Variants in TRPC5 observed in about 807,000 individuals in gnomAD.
The protein encoded by TRPC5 is transient receptor potential cation channel subfamily C member 5.
TRPC5 carries 9 observed loss-of-function variants against 56.5 expected under a neutral mutation model. The observed-to-expected ratio is 0.16, with a 90% CI of 0.10 to 0.28. The LOEUF (loss-of-function observed/expected upper bound fraction) is 0.28. Ranked by LOEUF, TRPC5 falls within the 10% of genes least tolerant of loss-of-function variation. TRPC5 has a pLI of 1.00. For synonymous variants in TRPC5, 282 were observed against 278.5 expected, an observed-to-expected ratio of 1.01 and a Z score of -0.13; for missense variants, 469 against 748.9, an observed-to-expected ratio of 0.63 and a Z score of 4.36.
intron 2 of TRPC5, among the ~76,000 whole-genome samples, chrX:111,944,310 G>A (rs948104656): frequency 3.6e-3 from 360 of 99,198 alleles, no homozygotes; most frequent in African/African-American, 0.012. Flanking sequence ...GTGTGAGAGA[G>A]AGAGAGAGAG....
intron 7 of TRPC5, among the ~76,000 whole-genome samples, chrX:111,795,680 C>G (rs1305727161): frequency 9.0e-6 from 1 of 111,628 alleles, no homozygotes; most frequent in Non-Finnish European, 1.9e-5. Flanking sequence ...GTCAGTTTGA[C>G]TATGATGTAA....
intron 1 of TRPC5, among the ~76,000 whole-genome samples, chrX:112,000,537 C>T (rs1409347768): frequency 9.0e-6 from 1 of 111,552 alleles, no homozygotes; most frequent in Non-Finnish European, 1.9e-5. Flanking sequence ...CCCACTGCTA[C>T]CACATTTGAG....
At chrX:111,858,008 G>C (rs1222650254) in intron 3 of TRPC5, among the ~76,000 whole-genome samples, 1 of 112,478 alleles carries the variant, frequency 8.9e-6, no homozygotes, top group Non-Finnish European at 1.9e-5. Flanking sequence ...CTCAAGCTGG[G>C]CAATTTTAAA....
chrX:111,905,090 G>A (rs1052764611), intron 3 of TRPC5, among the ~76,000 whole-genome samples: 2 of 110,063 alleles, frequency 1.8e-5, no homozygotes, highest in Non-Finnish European at 3.8e-5. Flanking sequence ...TCCATTTAAG[G>A]CTAAGATTTT....
At chrX:111,789,730 C>A (rs1384962112) in intron 7 of TRPC5, among the ~76,000 whole-genome samples, 1 of 111,523 alleles carries the variant, frequency 9.0e-6, no homozygotes, top group African/African-American at 3.2e-5. Flanking sequence ...AAAAAAGCAA[C>A]CCCATCAAAA....
chrX:111,866,341 G>A lies in TRPC5; in HGVS notation c.901-12235C>T, dbSNP rs771924136. Among the ~76,000 whole-genome samples the A allele has an allele frequency of 1.3e-3, 149 of 113,514 alleles. 1 individual carries two copies. The highest frequency in any genetic ancestry group is 4.4e-3 in the African/African-American group (139 of 31,353). On this transcript the variant is annotated intron_variant, in intron 3 of 10. Coordinates refer to ENST00000262839, the MANE Select transcript of TRPC5 (RefSeq NM_012471.3). ...GTATATCATATTAGCCAGTTAAGGG[G>A]CCTGAAGGCTAGCAAAGCCCAGAAG...
intron 9 of TRPC5, among the ~76,000 whole-genome samples, chrX:111,779,436 TGA>T (rs747693826): frequency 8.9e-6 from 1 of 111,987 alleles, no homozygotes; most frequent in East Asian, 2.8e-4. Flanking sequence ...TTTATAAAAT[TGA>T]GAGTTTTCTT....
chrX:111,886,332 A>T (rs1924494191), intron 3 of TRPC5, among the ~76,000 whole-genome samples: 1 of 112,509 alleles, frequency 8.9e-6, no homozygotes, highest in African/African-American at 3.2e-5. Context: ...TCAGTGTCAG[A>T]TACTTCAGTA....
intron 7 of TRPC5, among the ~76,000 whole-genome samples, chrX:111,816,097 A>G (rs1569525742): frequency 8.9e-6 from 1 of 111,847 alleles, no homozygotes; most frequent in Non-Finnish European, 1.9e-5. Flanking sequence ...AATGATATTC[A>G]GTGGTTATTT....
At chrX:111,979,630 C>T (rs973840253) in intron 1 of TRPC5, among the ~76,000 whole-genome samples, 3 of 111,119 alleles carry the variant, frequency 2.7e-5, no homozygotes, top group African/African-American at 9.8e-5. Context: ...AAAATTGAAA[C>T]AAATAATCTG....
intron 7 of TRPC5, among the ~76,000 whole-genome samples, chrX:111,824,002 G>A (rs1414210321): frequency 9.0e-6 from 1 of 110,900 alleles, no homozygotes; most frequent in Admixed American, 9.6e-5. Flanking sequence ...AGGATGGGGA[G>A]GTCGGATCGC....
chrX:112,011,940 AAG>A (rs1929004144), intron 1 of TRPC5, among the ~76,000 whole-genome samples: 1 of 112,087 alleles, frequency 8.9e-6, no homozygotes, highest in South Asian at 3.8e-4. Flanking sequence ...TAGGGACAGT[AAG>A]AGGTTAACAA....
chrX:111,983,757 G>A (rs1290903691), intron 1 of TRPC5, among the ~76,000 whole-genome samples: 1 of 111,097 alleles, frequency 9.0e-6, no homozygotes, highest in Non-Finnish European at 1.9e-5. Flanking sequence ...TGTGGCAGCT[G>A]TTTACTCTTG....
At chrX:111,817,235 C>A (rs1466266719) in intron 7 of TRPC5, among the ~76,000 whole-genome samples, 1 of 110,985 alleles carries the variant, frequency 9.0e-6, no homozygotes, top group Non-Finnish European at 1.9e-5. Flanking sequence ...GGGAAAGGGA[C>A]ACTAGACAGC....
chrX:111,933,723 G>C (rs1926484689), intron 2 of TRPC5, among the ~76,000 whole-genome samples: 1 of 111,367 alleles, frequency 9.0e-6, no homozygotes, highest in African/African-American at 3.3e-5. Flanking sequence ...TTCTTTCTGA[G>C]AGCCAAGCAT....
intron 1 of TRPC5, among the ~76,000 whole-genome samples, chrX:111,967,588 G>A (rs1391247048): frequency 4.5e-5 from 5 of 111,968 alleles, no homozygotes; most frequent in Non-Finnish European, 9.4e-5. Flanking sequence ...CAAGGCTACA[G>A]TAATCAAAAC....
chrX:112,021,659 G>T (rs1439715209), intron 1 of TRPC5, among the ~76,000 whole-genome samples: 1 of 112,176 alleles, frequency 8.9e-6, no homozygotes, highest in African/African-American at 3.2e-5. Flanking sequence ...TGCAAATGTG[G>T]AATCTAAAGG....
intron 3 of TRPC5, among the ~76,000 whole-genome samples, chrX:111,904,672 CCAGCT>C (rs1925525532): frequency 9.0e-6 from 1 of 110,898 alleles, no homozygotes; most frequent in Admixed American, 9.6e-5. Context: ...GAATGGATTC[CCAGCT>C]AATGGATGCT....
intron 7 of TRPC5, among the ~76,000 whole-genome samples, chrX:111,812,137 G>A (rs769605966): frequency 2.7e-5 from 3 of 109,328 alleles, no homozygotes; most frequent in African/African-American, 6.7e-5. Context: ...TAATCCCTAC[G>A]TGAGTTTAGC....
Sources: gnomAD v4.1 joint callset for allele counts (sites outside exome capture counted in the v4.1 genomes callset) on GRCh38, gnomAD v4.1.1 for gene constraint, MANE v1.5 for transcripts, NCBI Gene and HGNC (gene_info 2026-07-23, HGNC 2026-07-21) for gene names.